The following SDC2 variants were observed in gnomAD, a reference collection of about 807,000 sequenced individuals.
SDC2 encodes syndecan-2.
Under a neutral mutation model 22.2 loss-of-function variants are expected in SDC2, and 13 were observed. The observed-to-expected ratio is 0.59, with a 90% CI of 0.38 to 0.93. The LOEUF is 0.93. SDC2 is among the 40% of genes least tolerant of loss of function. The probability of loss-of-function intolerance (pLI) is 0.00; values close to 1 mark genes in which losing one functional copy is unlikely to be tolerated. For missense variants in SDC2, 235 were observed against 246.8 expected, an observed-to-expected ratio of 0.95 and a Z score of 0.32; for synonymous variants, 94 against 92.8, an observed-to-expected ratio of 1.01 and a Z score of -0.07.
intron 1 of SDC2, among the ~76,000 whole-genome samples, chr8:96,513,186 A>G (rs1036978371): frequency 2.6e-5 from 4 of 152,198 alleles, no homozygotes; most frequent in Non-Finnish European, 5.9e-5. Flanking sequence ...ATAACATGGT[A>G]TTTCCAAGGT....
In SDC2 at chr8:96,610,752, G is replaced by A. The variant is rs879030166; in HGVS notation, c.*1204G>A. ...GGGTTTGATTTCTAAGTGTTTCACA[G>A]TGTCTGTAAATCAAGACCAAAGAGC... On this transcript the variant is annotated 3_prime_UTR_variant, in exon 5 of 5. Coordinates refer to ENST00000302190, the MANE Select transcript of SDC2 (RefSeq NM_002998.4). 6.6e-6 allele frequency: 1 copy of A among 152,616 alleles called. No individual in the cohort carries two copies. Among genetic ancestry groups the A allele is most frequent in the South Asian group, 2.1e-4 (1 of 4,834 alleles). The allele number at this position is 152,616 out of a possible 1,614,324, so 9.5% of individuals were successfully genotyped here.
At chr8:96,522,370 AT>A (rs34325648) in intron 1 of SDC2, among the ~76,000 whole-genome samples, 7,386 of 146,106 alleles carry the variant, frequency 0.051, 538 homozygotes, top group African/African-American at 0.16. Flanking sequence ...GTGGTTACCT[AT>A]TTTTTTTTTT....
chr8:96,533,279 T>G (rs531760861), intron 1 of SDC2, among the ~76,000 whole-genome samples: 2 of 152,322 alleles, frequency 1.3e-5, no homozygotes, highest in Admixed American at 6.5e-5. Context: ...CTTGCTTTTA[T>G]TCTCTTATCT....
chr8:96,565,821 G>A (rs1814290805), intron 1 of SDC2, among the ~76,000 whole-genome samples: 1 of 152,146 alleles, frequency 6.6e-6, no homozygotes, highest in Admixed American at 6.6e-5. Flanking sequence ...AGGATTCAGG[G>A]ATAGGCAGTA....
intron 1 of SDC2, among the ~76,000 whole-genome samples, chr8:96,589,251 T>G (rs541004178): frequency 1.8e-3 from 268 of 152,316 alleles, no homozygotes; most frequent in African/African-American, 6.2e-3. Context: ...AGGAAAGTAG[T>G]GTCACCAGAT....
intron 1 of SDC2, among the ~76,000 whole-genome samples, chr8:96,542,244 C>G (rs1214912518): frequency 6.6e-6 from 1 of 152,218 alleles, no homozygotes; most frequent in South Asian, 2.1e-4. Flanking sequence ...CAGCTCTGCT[C>G]CTCCTCCTTG....
At chr8:96,606,568 A>G (rs1047828107) in intron 3 of SDC2, among the ~76,000 whole-genome samples, 1 of 152,222 alleles carries the variant, frequency 6.6e-6, no homozygotes, top group African/African-American at 2.4e-5. Flanking sequence ...GTGAAGGAGT[A>G]AGGAGAACTG....
At chr8:96,595,607 C>A (rs1814861242) in intron 2 of SDC2, among the ~76,000 whole-genome samples, 1 of 151,966 alleles carries the variant, frequency 6.6e-6, no homozygotes, top group Admixed American at 6.5e-5. Context: ...CTTCGCAGAT[C>A]TTAGAATCCA....
chr8:96,527,342 C>T (rs1157795915), intron 1 of SDC2, among the ~76,000 whole-genome samples: 1 of 152,228 alleles, frequency 6.6e-6, no homozygotes, highest in Non-Finnish European at 1.5e-5. Flanking sequence ...TATCACTGCT[C>T]TTGTAAGACA....
rs954540280 is a variant in SDC2, at chr8:96,500,593, C to T, written c.60+6262C>T. 2.2e-5 allele frequency among the ~76,000 whole-genome samples: 3 copies of T among 138,604 alleles called. No individual in the cohort carries two copies. In the Middle Eastern group the frequency reaches 0.013, roughly 582 times the overall value. The allele number at this position is 138,604 out of a possible 152,430, so 90.9% of individuals were successfully genotyped here. A position where few individuals can be genotyped will look rare whatever the true frequency, so the allele number is the denominator to read the frequency against. On this transcript the variant is annotated intron_variant, in intron 1 of 4. Coordinates refer to ENST00000302190, the MANE Select transcript of SDC2 (RefSeq NM_002998.4). ...AGGAGAATTGCTTGAACACAGGAGA[C>T]GGAGGTTGCAATGAGCCGAGATCAT...
chr8:96,591,442 A>G (rs1018952855), intron 1 of SDC2, among the ~76,000 whole-genome samples: 3 of 152,134 alleles, frequency 2.0e-5, no homozygotes, highest in Non-Finnish European at 4.4e-5. Context: ...TCCAAGGCCA[A>G]TTTGGTTTAA....
intron 1 of SDC2, among the ~76,000 whole-genome samples, chr8:96,510,455 T>G (rs898499448): frequency 1.3e-5 from 2 of 152,216 alleles, no homozygotes; most frequent in African/African-American, 4.8e-5. Context: ...ATTCATAGTT[T>G]ACTTTGTTCG....
At chr8:96,539,367 C>T (rs1813809133) in intron 1 of SDC2, among the ~76,000 whole-genome samples, 1 of 152,098 alleles carries the variant, frequency 6.6e-6, no homozygotes, top group South Asian at 2.1e-4. Flanking sequence ...ATCTTCTCGA[C>T]TAGATTTTGT....
At chr8:96,555,139 A>G (rs1814089027) in intron 1 of SDC2, among the ~76,000 whole-genome samples, 1 of 152,004 alleles carries the variant, frequency 6.6e-6, no homozygotes, top group Non-Finnish European at 1.5e-5. Flanking sequence ...CCTTAGACTA[A>G]GTTCTGGGAG....
chr8:96,570,335 C>G (rs1219257152), intron 1 of SDC2, among the ~76,000 whole-genome samples: 1 of 152,144 alleles, frequency 6.6e-6, no homozygotes, highest in African/African-American at 2.4e-5. Flanking sequence ...GGAGACAGAT[C>G]CTTCCATTTT....
intron 1 of SDC2, among the ~76,000 whole-genome samples, chr8:96,495,083 G>T (rs1263690898): frequency 6.6e-6 from 1 of 152,166 alleles, no homozygotes; most frequent in Non-Finnish European, 1.5e-5. Context: ...TCAGGGACGG[G>T]AGGACATTTT....
chr8:96,537,334 C>T (rs1005308328), intron 1 of SDC2: 2 of 152,074 alleles, frequency 1.3e-5, no homozygotes, highest in African/African-American at 2.4e-5. Flanking sequence ...TTCTAAAACC[C>T]GCTGGAATTT....
chr8:96,569,472 T>C (rs974083667), intron 1 of SDC2, among the ~76,000 whole-genome samples: 3 of 152,138 alleles, frequency 2.0e-5, no homozygotes, highest in Non-Finnish European at 4.4e-5. Flanking sequence ...ACAGCTCTTA[T>C]CTCTCTCCTA....
chr8:96,532,971 T>G (rs1352272458), intron 1 of SDC2, among the ~76,000 whole-genome samples: 1 of 152,212 alleles, frequency 6.6e-6, no homozygotes, highest in Non-Finnish European at 1.5e-5. Flanking sequence ...TCTCACCAAC[T>G]TCAAGAATGA....
Sources: gnomAD v4.1 joint callset for allele counts (sites outside exome capture counted in the v4.1 genomes callset) on GRCh38, gnomAD v4.1.1 for gene constraint, MANE v1.5 for transcripts, NCBI Gene and HGNC (gene_info 2026-07-23, HGNC 2026-07-21) for gene names.